MANBA: variants seen among roughly 807,000 people sequenced by gnomAD.
MANBA encodes the protein mannosidase beta, also known as beta-mannosidase.
In MANBA, 83 loss-of-function variants were observed where a neutral mutation model predicts 111.1. The observed-to-expected ratio is 0.75, with a 90% confidence interval of 0.63 to 0.90. The LOEUF is 0.90. Ranked by LOEUF, MANBA falls within the 40% of genes least tolerant of loss-of-function variation. The pLI, the probability that MANBA is intolerant of heterozygous loss-of-function variation, is 0.00. For synonymous variants in MANBA, 370 were observed against 378.7 expected, an observed-to-expected ratio of 0.98 and a Z score of 0.27; for missense variants, 1,036 against 1,069.0, an observed-to-expected ratio of 0.97 and a Z score of 0.43.
intron 13 of MANBA, among the ~76,000 whole-genome samples, chr4:102,641,143 G>C (rs1328395428): frequency 6.6e-6 from 1 of 152,154 alleles, no homozygotes; most frequent in African/African-American, 2.4e-5. Context: ...TGTAGAGTGA[G>C]GATTGGCCTA....
At chr4:102,745,585 T>C (rs1267275740) in intron 1 of MANBA, among the ~76,000 whole-genome samples, 5 of 152,214 alleles carry the variant, frequency 3.3e-5, no homozygotes, top group African/African-American at 1.2e-4. Flanking sequence ...TACATTAAAC[T>C]GAGAGAGATC....
In MANBA at chr4:102,669,014, A is replaced by G. The variant is rs746252507; in HGVS notation, c.1266T>C (p.Tyr422=). 1.9e-6 allele frequency: 3 copies of G among 1,613,794 alleles called. No individual in the cohort carries two copies. In the Admixed American group the frequency reaches 5.0e-5, roughly 27 times the overall value. Residue 422 remains tyrosine (Y), a synonymous_variant, in exon 10 of 17, where the codon TAT becomes TAC. Coordinates refer to ENST00000647097, the MANE Select transcript of MANBA (RefSeq NM_005908.4). The stretch of plus-strand genomic sequence containing the variant: ...AATCCAGGAAGCCCTGATCAGTTGG[A>G]TAAAGGGCACAGGCAAACATAAAAT... ...WQDFMFACAL[Y]PTDQGFLDSV...
In MANBA at chr4:102,651,759, C is replaced by T. The variant is rs541469039; in HGVS notation, c.1705-1058G>A. 9.2e-5 allele frequency among the ~76,000 whole-genome samples: 14 copies of T among 152,238 alleles called. No individual in the cohort carries two copies. The East Asian group carries it at 2.3e-3, about 25-fold the overall frequency. On this transcript the variant is annotated intron_variant, in intron 12 of 16. Transcript: ENST00000647097. ...CCAAATATAAGAAATGTACACTAGC[C>T]ATATTAAATTTGGAAGTTTTTCCTA... is the stretch of plus-strand genomic sequence containing the variant.
intron 1 of MANBA, chr4:102,728,070 C>T (rs1394625500): frequency 3.6e-5 from 19 of 525,826 alleles, no homozygotes; most frequent in East Asian, 1.1e-4. Flanking sequence ...ATAGAAGGCA[C>T]GCCCATGGAG....
chr4:102,755,983 G>A (rs1185587843), intron 1 of MANBA, among the ~76,000 whole-genome samples: 1 of 152,192 alleles, frequency 6.6e-6, no homozygotes, highest in African/African-American at 2.4e-5. Flanking sequence ...AACAGGTGCT[G>A]GAGAGGATGT....
intron 13 of MANBA, among the ~76,000 whole-genome samples, chr4:102,648,709 A>C (rs558520000): frequency 6.6e-6 from 1 of 152,240 alleles, no homozygotes; most frequent in Non-Finnish European, 1.5e-5. Context: ...AAGATGTGTG[A>C]ATTTTATGAT....
Position 102,631,670 on chromosome 4 carries a change from C to T in MANBA, c.*387G>A. 1 of 469,758 alleles carries T rather than the reference C, an allele frequency of 2.1e-6. No homozygotes were observed. The highest frequency in any genetic ancestry group is 3.7e-6 in the Non-Finnish European group (1 of 268,290). 29.1% of individuals were successfully genotyped at this position (469,758 alleles called of 1,614,324 possible). A position where few individuals can be genotyped will look rare whatever the true frequency, so the allele number is the denominator to read the frequency against. On this transcript the variant is annotated 3_prime_UTR_variant, in exon 17 of 17. Transcript: ENST00000647097. ...TTTGAGTATTCCGTATTCCCCAAAGCTAGCTGTGAAAGACCTACATCACCT... is the reference window on the plus strand; with the variant it reads ...TTTGAGTATTCCGTATTCCCCAAAGTTAGCTGTGAAAGACCTACATCACCT...
chr4:102,715,175 G>A (rs1398102759), intron 4 of MANBA, among the ~76,000 whole-genome samples: 1 of 152,164 alleles, frequency 6.6e-6, no homozygotes, highest in Non-Finnish European at 1.5e-5. Context: ...AAGAGACTAA[G>A]CCTTGAATTT....
intron 2 of MANBA, among the ~76,000 whole-genome samples, chr4:102,725,184 T>A (rs919814959): frequency 6.6e-5 from 10 of 152,296 alleles, no homozygotes; most frequent in South Asian, 6.2e-4. Flanking sequence ...GATGGTTTTG[T>A]AACTGTAAGT....
At chr4:102,673,717 A>T (rs1731597796) in intron 8 of MANBA, among the ~76,000 whole-genome samples, 1 of 152,210 alleles carries the variant, frequency 6.6e-6, no homozygotes, top group South Asian at 2.1e-4. Flanking sequence ...CAAATAGTTT[A>T]GCTGTAAGAC....
intron 13 of MANBA, among the ~76,000 whole-genome samples, chr4:102,646,750 T>C (rs1038758991): frequency 1.3e-5 from 2 of 152,128 alleles, no homozygotes; most frequent in Non-Finnish European, 2.9e-5. Context: ...GTATATGGGC[T>C]ATTGGGAATA....
intron 12 of MANBA, among the ~76,000 whole-genome samples, chr4:102,651,475 C>G (rs765173374): frequency 6.6e-6 from 1 of 152,080 alleles, no homozygotes; most frequent in Non-Finnish European, 1.5e-5. Context: ...ATAATTCTGG[C>G]TTCTAGGCCT....
At chr4:102,688,386 T>TACACACACACACACACACACAC (rs70937563) in intron 7 of MANBA, among the ~76,000 whole-genome samples, 1 of 140,472 alleles carries the variant, frequency 7.1e-6, no homozygotes, top group African/African-American at 2.6e-5. Flanking sequence ...CCTCCCCCCT[T>TACACACACACACACACACACAC]ACACACACAC....
At chr4:102,632,328 G>T in intron 16 of MANBA, 47 bp from the exon 17 acceptor site, 1 of 1,337,328 alleles carries the variant, frequency 7.5e-7, no homozygotes, top group Non-Finnish European at 1.1e-6. Context: ...TGAGGGAAGA[G>T]TTATATAGTC....
intron 13 of MANBA, among the ~76,000 whole-genome samples, chr4:102,643,798 T>C (rs1359871476): frequency 6.6e-6 from 1 of 152,194 alleles, no homozygotes; most frequent in African/African-American, 2.4e-5. Context: ...TGGATCCCTA[T>C]CAGACATATG....
intron 1 of MANBA, chr4:102,730,213 A>G: frequency 1.6e-6 from 1 of 611,172 alleles, no homozygotes; most frequent in East Asian, 2.7e-5. Context: ...AACCAGATAG[A>G]GATCCCAGAA....
chr4:102,743,138 G>A (rs1723468152), intron 1 of MANBA, among the ~76,000 whole-genome samples: 2 of 152,230 alleles, frequency 1.3e-5, no homozygotes, highest in African/African-American at 4.8e-5. Flanking sequence ...CTGTTGGTGA[G>A]TACTCACATG....
At chr4:102,657,226 G>GGT (rs1560752348) in intron 12 of MANBA, among the ~76,000 whole-genome samples, 5 of 124,932 alleles carry the variant, frequency 4.0e-5, no homozygotes, top group South Asian at 3.5e-4. Context: ...GTGGGGTGGG[G>GGT]GGGGGGTGGG....
chr4:102,751,428 A>G (rs749341623), intron 1 of MANBA: 22 of 487,850 alleles, frequency 4.5e-5, no homozygotes, highest in Non-Finnish European at 7.9e-5. Context: ...ACATTTCTAC[A>G]CCGATAACAA....
Sources: gnomAD v4.1 joint callset for allele counts (sites outside exome capture counted in the v4.1 genomes callset) on GRCh38, gnomAD v4.1.1 for gene constraint, MANE v1.5 for transcripts, NCBI Gene and HGNC (gene_info 2026-07-23, HGNC 2026-07-21) for gene names.